KCNT1: variants seen among roughly 807,000 people sequenced by gnomAD.
KCNT1 encodes potassium sodium-activated channel subfamily T member 1, also known as potassium channel subfamily T member 1.
KCNT1 carries 78 observed loss-of-function variants against 147.8 expected under a neutral mutation model. That is an observed-to-expected ratio of 0.53 (90% confidence interval 0.44 to 0.64). The LOEUF (loss-of-function observed/expected upper bound fraction) is 0.64, where lower values mean the gene tolerates loss of function less well. Among genes scored for constraint, KCNT1 ranks in the 30% least tolerant of loss-of-function variants. The pLI, the probability that KCNT1 is intolerant of heterozygous loss-of-function variation, is 0.00. For missense variants in KCNT1, 1,419 were observed against 1,750.3 expected (o/e 0.81, Z 3.38); for synonymous variants, 867 against 748.8 (o/e 1.16, Z -2.58).
At chr9:135,719,482 G>A (rs1835843370) in intron 2 of KCNT1, among the ~76,000 whole-genome samples, 1 of 152,112 alleles carries the variant, frequency 6.6e-6, no homozygotes, top group Non-Finnish European at 1.5e-5. Flanking sequence ...CACACCACAG[G>A]CCCATCTCTC....
Position 135,733,750 on chromosome 9 carries a change from G to T in KCNT1, c.255-16348G>T, listed in dbSNP as rs544311089. On this transcript the variant is annotated intron_variant, in intron 2 of 30. Transcript: ENST00000371757. ...ATCCCACTGCTGAGCCGGAGACCCA[G>T]ATGGGTCTCAGACTGACAGTCTCAG... Among the ~76,000 whole-genome samples, 557 of 149,284 alleles carry T rather than the reference G, an allele frequency of 3.7e-3. 3 individuals carry two copies. Among genetic ancestry groups the T allele is most frequent in the African/African-American group, 0.013 (517 of 40,258 alleles).
intron 19 of KCNT1, among the ~76,000 whole-genome samples, chr9:135,773,285 C>CAG (rs1832889625): frequency 1.3e-5 from 2 of 152,314 alleles, no homozygotes; most frequent in South Asian, 4.1e-4. Flanking sequence ...GCGCCACCCT[C>CAG]AGAGAGGGGC....
chr9:135,765,607 C>G lies in KCNT1; in HGVS notation c.1201-17C>G. On this transcript the variant is annotated splice_polypyrimidine_tract_variant and intron_variant, in intron 12 of 30. Transcript: ENST00000371757. ...AGGGGCTGGCTCAGAGGGTCTGACC[C>G]TCCGCCTGGCCGGCAGGACTATTAC... 4 of 1,601,740 alleles carry G rather than the reference C, an allele frequency of 2.5e-6. No individual in the cohort carries two copies. In the Admixed American group the frequency reaches 6.7e-5, roughly 27 times the overall value.
intron 25 of KCNT1, 36 bp from the exon 26 acceptor site, chr9:135,784,499 C>CGCG (rs1833868644): frequency 2.4e-6 from 1 of 414,146 alleles, no homozygotes; most frequent in East Asian, 3.8e-5. Flanking sequence ...CCCTCCCTCC[C>CGCG]TCCCTCCCTC....
intron 11 of KCNT1, 95 bp from the exon 12 acceptor site, chr9:135,764,936 C>G (rs1832152891): frequency 1.4e-6 from 2 of 1,418,282 alleles, no homozygotes; most frequent in Non-Finnish European, 9.5e-7. Flanking sequence ...CCCCAGGCCC[C>G]TAACAGACAG....
rs141652987 is a variant in KCNT1, at chr9:135,775,826, G to A, written c.2349+411G>A. On this transcript the variant is annotated intron_variant, in intron 20 of 30. Transcript: ENST00000371757. The stretch of plus-strand genomic sequence containing the variant: ...AAGTTCAGATTGGGCCGAGGGCCCC[G>A]AAGGCCTTCAGCGTCCTGCGTGGCA... 3.1e-4 allele frequency among the ~76,000 whole-genome samples: 47 copies of A among 152,352 alleles called. No individual in the cohort carries two copies. In the East Asian group the frequency reaches 8.9e-3, roughly 29 times the overall value.
intron 2 of KCNT1, among the ~76,000 whole-genome samples, chr9:135,742,407 G>T (rs1830609619): frequency 6.6e-6 from 1 of 152,194 alleles, no homozygotes; most frequent in Non-Finnish European, 1.5e-5. Flanking sequence ...CTGAAGGGTG[G>T]CCCTCTCCTC....
Position 135,768,437 on chromosome 9 carries a change from TC to T in KCNT1, c.1338-169del, listed in dbSNP as rs1313185383. On this transcript the variant is annotated intron_variant, in intron 13 of 30. Coordinates refer to ENST00000371757, the MANE Select transcript of KCNT1 (RefSeq NM_020822.3). ...AGGGGCCTCCTCCCGCCTTCCATCCTCCCCGCCTTCCATCCTCTCCGCCTTC... is the reference window on the plus strand; with the variant it reads ...AGGGGCCTCCTCCCGCCTTCCATCCTCCCGCCTTCCATCCTCTCCGCCTTC... 251 of 440,938 alleles carry T rather than the reference TC, an allele frequency of 5.7e-4. 3 individuals carry two copies. The East Asian group carries it at 0.011, about 19-fold the overall frequency. 27.3% of individuals were successfully genotyped at this position (440,938 alleles called of 1,614,324 possible). A position where few individuals can be genotyped will look rare whatever the true frequency, so the allele number is the denominator to read the frequency against.
intron 4 of KCNT1, 109 bp from the exon 5 acceptor site, chr9:135,753,828 G>A (rs1831329054): frequency 8.8e-7 from 1 of 1,131,038 alleles, no homozygotes; most frequent in South Asian, 1.2e-5. Context: ...CCCCGGGTGG[G>A]TGAGTAGGAG....
rs76792209 is a variant in KCNT1 at position 135,739,728 on chromosome 9, C to T, written c.255-10370C>T. On this transcript the variant is annotated intron_variant, in intron 2 of 30. Coordinates refer to ENST00000371757, the MANE Select transcript of KCNT1 (RefSeq NM_020822.3). ...GTGCCCCCGCCCTCCTCTGGCTTTG[C>T]CCCGCTCCGGGCTGCACACCTTCTT... Among the ~76,000 whole-genome samples the T allele has an allele frequency of 3.3e-5, 5 of 152,244 alleles. No homozygotes were observed. The East Asian group carries it at 9.7e-4, about 30-fold the overall frequency.
In KCNT1 at chr9:135,732,024, A is replaced by AGAGAGAGAGAGAGAGAGAGAGAGAGG. The variant is rs1554766187; in HGVS notation, c.254+17321_254+17322insAGAGAGAGGGAGAGAGAGAGAGAGAG. On this transcript the variant is annotated intron_variant, in intron 2 of 30. Coordinates refer to ENST00000371757, the MANE Select transcript of KCNT1 (RefSeq NM_020822.3). ...GAGAGAGAGAGAGAGAGAGAGAGAG[A>AGAGAGAGAGAGAGAGAGAGAGAGAGG]GAGAGAGAGAGAGAGAGGGAGTCTC... 4.3e-3 allele frequency among the ~76,000 whole-genome samples: 277 copies of AGAGAGAGAGAGAGAGAGAGAGAGAGG among 65,012 alleles called. 20 individuals are homozygous for AGAGAGAGAGAGAGAGAGAGAGAGAGG. The highest frequency in any genetic ancestry group is 8.0e-3 in the East Asian group (13 of 1,622). The allele number at this position is 65,012 out of a possible 152,430, so 42.7% of individuals were successfully genotyped here.
chr9:135,765,289 C>A lies in KCNT1; in HGVS notation c.1200+94C>A, dbSNP rs144489544. ...GGACTGCTTGGCAAGTCCCTGAGTC[C>A]TCTCAGCCTTGGTTTACCCCTTCAG... On this transcript the variant is annotated intron_variant, in intron 12 of 30. Coordinates refer to ENST00000371757, the MANE Select transcript of KCNT1 (RefSeq NM_020822.3). The A allele has an allele frequency of 7.5e-4, 939 of 1,254,548 alleles. 8 individuals carry two copies. The African/African-American group carries it at 0.012, about 17-fold the overall frequency. The allele number at this position is 1,254,548 out of a possible 1,614,324, so 77.7% of individuals were successfully genotyped here.
At chr9:135,729,499 C>T (rs763564393) in intron 2 of KCNT1, among the ~76,000 whole-genome samples, 2 of 152,240 alleles carry the variant, frequency 1.3e-5, no homozygotes, top group African/African-American at 2.4e-5. Flanking sequence ...CTCATGGGAC[C>T]CTCTGCAGAA....
chr9:135,719,584 G>A (rs527936697), intron 2 of KCNT1, among the ~76,000 whole-genome samples: 14 of 152,310 alleles, frequency 9.2e-5, no homozygotes, highest in South Asian at 4.1e-4. Context: ...CCAGCCCACC[G>A]GGGCCACTGA....
At chr9:135,721,124 C>T (rs1378246924) in intron 2 of KCNT1, among the ~76,000 whole-genome samples, 1 of 152,114 alleles carries the variant, frequency 6.6e-6, no homozygotes, top group African/African-American at 2.4e-5. Context: ...AAGGGTGGCC[C>T]CTGGACTGGG....
intron 9 of KCNT1, 32 bp downstream of exon 9, chr9:135,757,413 TG>T (rs762966816): frequency 3.1e-5 from 48 of 1,554,014 alleles, no homozygotes; most frequent in African/African-American, 1.9e-4. Context: ...AGCTGGGACT[TG>T]GGGGGGCCAC....
intron 1 of KCNT1, among the ~76,000 whole-genome samples, chr9:135,711,323 A>T (rs1835478148): frequency 1.3e-5 from 2 of 151,630 alleles, no homozygotes; most frequent in Admixed American, 1.3e-4. Flanking sequence ...AGAAGCAGGC[A>T]CTCCTGGCTA....
At chr9:135,707,497 G>T (rs1342815318) in intron 1 of KCNT1, among the ~76,000 whole-genome samples, 1 of 152,166 alleles carries the variant, frequency 6.6e-6, no homozygotes, top group Non-Finnish European at 1.5e-5. Flanking sequence ...GCGTGGCCGG[G>T]GGCAGGGGCT....
chr9:135,754,036 C>T (rs1031411202), intron 5 of KCNT1, 43 bp downstream of exon 5: 5 of 1,583,602 alleles, frequency 3.2e-6, no homozygotes, highest in Admixed American at 1.7e-5. Flanking sequence ...CGCTCAGAGG[C>T]CTGGGACCAG....
Sources: allele counts gnomAD v4.1 joint callset (sites outside exome capture counted in the v4.1 genomes callset), GRCh38; gene constraint gnomAD v4.1.1; transcripts MANE v1.5; gene names NCBI Gene and HGNC (gene_info 2026-07-23, HGNC 2026-07-21).